The following SMYD3 variants were observed in gnomAD, a reference collection of about 807,000 sequenced individuals.
SMYD3 encodes SET and MYND domain containing 3, also known as histone-lysine N-methyltransferase SMYD3.
Under a neutral mutation model 57.7 loss-of-function variants are expected in SMYD3, and 36 were observed. The ratio of observed to expected loss-of-function variants is 0.62; its 90% confidence interval spans 0.48 to 0.82. The LOEUF (loss-of-function observed/expected upper bound fraction) is 0.82, where lower values mean the gene tolerates loss of function less well. SMYD3 is among the 40% of genes least tolerant of loss of function. SMYD3 has a pLI of 0.00. For synonymous variants in SMYD3, 211 were observed against 195.0 expected (o/e 1.08, Z -0.68); for missense variants, 515 against 538.8 (o/e 0.96, Z 0.44).
intron 5 of SMYD3, among the ~76,000 whole-genome samples, chr1:246,284,098 T>C (rs980633134): frequency 2.0e-5 from 3 of 152,178 alleles, no homozygotes; most frequent in Admixed American, 6.5e-5. Context: ...AAGTACTTCC[T>C]CAGAGCCAAT....
chr1:245,794,415 G>T (rs1232151967), intron 10 of SMYD3, among the ~76,000 whole-genome samples: 1 of 152,210 alleles, frequency 6.6e-6, no homozygotes, highest in Non-Finnish European at 1.5e-5. Context: ...GACGTCACTG[G>T]CTGTTGAGAT....
chr1:246,379,081 TACACACACACACACAC>T (rs34560740), intron 1 of SMYD3, among the ~76,000 whole-genome samples: 6,782 of 130,486 alleles, frequency 0.052, 215 homozygotes, highest in Non-Finnish European at 0.069. Flanking sequence ...CACACATACA[TACACACACACACACAC>T]ACACACACAC....
intron 1 of SMYD3, among the ~76,000 whole-genome samples, chr1:246,480,870 C>T (rs2068090714): frequency 6.6e-6 from 1 of 152,086 alleles, no homozygotes; most frequent in African/African-American, 2.4e-5. Flanking sequence ...GCAATCTCGG[C>T]TCACTGCAAC....
At chr1:245,958,017 A>AG (rs2057898794) in intron 5 of SMYD3, among the ~76,000 whole-genome samples, 1 of 152,066 alleles carries the variant, frequency 6.6e-6, no homozygotes. Context: ...AGAGACTTTG[A>AG]GAAAAAAAAA....
intron 5 of SMYD3, among the ~76,000 whole-genome samples, chr1:246,183,163 C>A (rs2062580755): frequency 1.3e-5 from 2 of 151,988 alleles, no homozygotes; most frequent in Non-Finnish European, 2.9e-5. Context: ...AAGAGAAACT[C>A]CATCAACAAA....
At chr1:245,897,154 A>G (rs1378355325) in intron 8 of SMYD3, among the ~76,000 whole-genome samples, 1 of 152,252 alleles carries the variant, frequency 6.6e-6, no homozygotes, top group Non-Finnish European at 1.5e-5. Context: ...AAACACAGAG[A>G]CGTGAAAAAG....
rs1007659659 is a variant in SMYD3, at chr1:246,078,255, C to T, written c.532-148318G>A. ...ATTTATGGGAGGTCATTGATTTGGA[C>T]TAAGCTCCTACACTAGGCCCCGAGA... On this transcript the variant is annotated intron_variant, in intron 5 of 11. Transcript: ENST00000490107. 5.9e-5 allele frequency among the ~76,000 whole-genome samples: 9 copies of T among 152,172 alleles called. No homozygotes were observed. The South Asian group carries it at 8.3e-4, about 14-fold the overall frequency.
rs1281123430 is a variant in SMYD3, at chr1:246,328,483, A to C, written c.395-1146T>G. On this transcript the variant is annotated intron_variant, in intron 4 of 11. Coordinates refer to ENST00000490107, the MANE Select transcript of SMYD3 (RefSeq NM_001167740.2). Reference sequence around the variant, plus strand: ...GTTATTTACCTAGCAGTAATATAACAAGAAAATTTGAATACTTTGCTGTCT... The same window carrying C: ...GTTATTTACCTAGCAGTAATATAACCAGAAAATTTGAATACTTTGCTGTCT... Among the ~76,000 whole-genome samples the C allele has an allele frequency of 7.2e-5, 11 of 152,188 alleles. No homozygotes were observed. The South Asian group carries it at 1.9e-3, about 26-fold the overall frequency.
chr1:246,241,128 G>A (rs2063600633), intron 5 of SMYD3, among the ~76,000 whole-genome samples: 1 of 151,978 alleles, frequency 6.6e-6, no homozygotes, highest in Non-Finnish European at 1.5e-5. Context: ...CCAACACTAT[G>A]TTGAACAGGA....
intron 1 of SMYD3, among the ~76,000 whole-genome samples, chr1:246,430,292 A>G (rs1303006695): frequency 6.6e-6 from 1 of 152,268 alleles, no homozygotes; most frequent in African/African-American, 2.4e-5. Context: ...TGGAACAGAG[A>G]CAGTTCCAGC....
At chr1:246,261,208 G>A (rs1448127236) in intron 5 of SMYD3, among the ~76,000 whole-genome samples, 8 of 151,944 alleles carry the variant, frequency 5.3e-5, no homozygotes, top group African/African-American at 1.7e-4. Context: ...ACAGGCGCCC[G>A]CCACCACGCC....
At chr1:246,234,798 G>C (rs909877862) in intron 5 of SMYD3, among the ~76,000 whole-genome samples, 12 of 152,072 alleles carry the variant, frequency 7.9e-5, no homozygotes, top group African/African-American at 2.9e-4. Flanking sequence ...GCTTAGACAA[G>C]AAACCTCTTT....
intron 5 of SMYD3, among the ~76,000 whole-genome samples, chr1:246,074,911 A>AATAC (rs1296686806): frequency 2.1e-5 from 2 of 94,032 alleles, no homozygotes; most frequent in Non-Finnish European, 2.1e-5. Flanking sequence ...ATGCTAAAGC[A>AATAC]ATACACACAC....
chr1:246,070,614 C>T (rs939291262), intron 5 of SMYD3, among the ~76,000 whole-genome samples: 6 of 152,162 alleles, frequency 3.9e-5, no homozygotes, highest in Non-Finnish European at 7.3e-5. Flanking sequence ...AGGTGAAGCA[C>T]CGACCTGAGG....
intron 5 of SMYD3, among the ~76,000 whole-genome samples, chr1:246,229,680 C>T (rs972622085): frequency 3.3e-5 from 5 of 152,108 alleles, no homozygotes; most frequent in Admixed American, 6.5e-5. Flanking sequence ...AGGCAAGGGG[C>T]GAGATACAGC....
chr1:246,025,374 C>T (rs2059557206), intron 5 of SMYD3, among the ~76,000 whole-genome samples: 1 of 152,014 alleles, frequency 6.6e-6, no homozygotes, highest in African/African-American at 2.4e-5. Flanking sequence ...ACAGATTGCC[C>T]TGAATATGAC....
chr1:246,231,351 C>A (rs4330890), intron 5 of SMYD3, among the ~76,000 whole-genome samples: 31,552 of 152,074 alleles, frequency 0.21, 3,989 homozygotes, highest in East Asian at 0.58. Flanking sequence ...TAGATATCAG[C>A]ATCAGCAATA....
intron 5 of SMYD3, among the ~76,000 whole-genome samples, chr1:246,120,136 T>C (rs779882942): frequency 5.3e-5 from 8 of 152,188 alleles, no homozygotes; most frequent in Non-Finnish European, 1.5e-5. Context: ...CACATTCTTC[T>C]TGGTATCTCT....
rs377468294 is a variant in SMYD3 at position 245,817,206 on chromosome 1, G to C, written c.1076+41290C>G. 3.7e-3 allele frequency among the ~76,000 whole-genome samples: 546 copies of C among 146,554 alleles called. 3 individuals carry two copies. The highest frequency in any genetic ancestry group is 0.011 in the Middle Eastern group (3 of 284). On this transcript the variant is annotated intron_variant, in intron 10 of 11. Transcript: ENST00000490107. ...AGCACGCAGCTGGAGATCTGAGAAC[G>C]GGCAGACTGCCTCCTCAAGTGGGTC...
Sources: allele counts gnomAD v4.1 joint callset (sites outside exome capture counted in the v4.1 genomes callset), GRCh38; gene constraint gnomAD v4.1.1; transcripts MANE v1.5; gene names NCBI Gene and HGNC (gene_info 2026-07-23, HGNC 2026-07-21).